MCRS1: variants seen among roughly 807,000 people sequenced by gnomAD.
MCRS1 encodes microspherule protein 1, also known as 58 kDa microspherule protein.
Under a neutral mutation model 62.9 loss-of-function variants are expected in MCRS1, and 22 were observed. The observed-to-expected ratio is 0.35, with a 90% CI of 0.25 to 0.50. The LOEUF (loss-of-function observed/expected upper bound fraction) is 0.50, where lower values mean the gene tolerates loss of function less well. Ranked by LOEUF, MCRS1 falls within the 20% of genes least tolerant of loss-of-function variation. MCRS1 has a pLI of 0.98. For synonymous variants in MCRS1, 244 were observed against 233.5 expected, an observed-to-expected ratio of 1.04 and a Z score of -0.41; for missense variants, 456 against 601.1, an observed-to-expected ratio of 0.76 and a Z score of 2.52.
At chr12:49,562,704 G>C (rs555998639) in intron 8 of MCRS1, among the ~76,000 whole-genome samples, 1 of 152,236 alleles carries the variant, frequency 6.6e-6, no homozygotes, top group South Asian at 2.1e-4. Context: ...ATTTATGTGA[G>C]AATAAAATAT....
At position 49,558,638 on chromosome 12, in the gene MCRS1, A is replaced by T. The variant is rs770425770; in HGVS notation, c.*5T>A. ...GAGAGGGCCCACGAGTCCTGCCACC[A>T]CTCCTCACTGTGGTGTGATCTTGGC... On this transcript the variant is annotated 3_prime_UTR_variant, in exon 15 of 15. Coordinates refer to ENST00000343810, the MANE Select transcript of MCRS1 (RefSeq NM_006337.5). 5 of 1,611,920 alleles carry T rather than the reference A, an allele frequency of 3.1e-6. No homozygotes were observed.
Position 49,559,673 on chromosome 12 carries a change from C to A in MCRS1, c.1003+56G>T. The A allele has an allele frequency of 6.2e-7, 1 of 1,606,366 alleles. No individual in the cohort carries two copies. The highest frequency in any genetic ancestry group is 1.3e-5 in the African/African-American group (1 of 74,884). ...CCCCAGCCAGGCAGCAACAGGGGCA[C>A]AGGCTGGGGCGAAGGATGCTGAAGA... On this transcript the variant is annotated intron_variant, in intron 11 of 14. Transcript: ENST00000343810. The surrounding 1 kb of genome is among the most constrained non-coding windows in gnomAD (Gnocchi z 5.2).
intron 7 of MCRS1, 80 bp downstream of exon 7, chr12:49,563,358 G>T: frequency 2.8e-6 from 4 of 1,423,256 alleles, no homozygotes; most frequent in Non-Finnish European, 3.9e-6. Context: ...TGGGTGGGGA[G>T]CTCTCCACAT....
chr12:49,563,091 G>A lies in MCRS1; in HGVS notation c.715C>T (p.Pro239Ser), dbSNP rs752648138. Reference protein sequence around the residue: ...ETFQDLLHRHPDAFYLARTAK... With the variant: ...ETFQDLLHRHSDAFYLARTAK... ...GTACGGGCCAGGTAGAAGGCATCAGGGTGTCTGTGCAGCAGGTCCTGGAAG... is the reference window on the plus strand; with the variant it reads ...GTACGGGCCAGGTAGAAGGCATCAGAGTGTCTGTGCAGCAGGTCCTGGAAG... The change falls in exon 8 of 15, where the codon CCT (proline) becomes TCT (serine). Residue 239 changes from proline to serine, a missense_variant. Physicochemically the swap from Pro to Ser is moderately conservative, Grantham distance 74. Coordinates refer to ENST00000343810, the MANE Select transcript of MCRS1 (RefSeq NM_006337.5). The A allele has an allele frequency of 6.4e-7, 1 of 1,568,278 alleles. No individual in the cohort carries two copies. The highest frequency in any genetic ancestry group is 2.3e-5 in the East Asian group (1 of 42,596).
chr12:49,563,417 C>T, intron 7 of MCRS1, 21 bp downstream of exon 7: 1 of 1,602,054 alleles, frequency 6.2e-7, no homozygotes, highest in Non-Finnish European at 8.5e-7. Flanking sequence ...GATCCTCCAC[C>T]TTCCCAGCCC....
chr12:49,561,572 T>TA (rs1443317176), intron 8 of MCRS1, among the ~76,000 whole-genome samples: 2 of 152,248 alleles, frequency 1.3e-5, no homozygotes, highest in Admixed American at 1.3e-4. Flanking sequence ...AAGGAATAAA[T>TA]AAAACTTTCA....
chr12:49,559,704 C>G lies in MCRS1; in HGVS notation c.1003+25G>C, dbSNP rs1333439772. 1 of 1,613,046 alleles carries G rather than the reference C, an allele frequency of 6.2e-7. No individual in the cohort carries two copies. The highest frequency in any genetic ancestry group is 8.5e-7 in the Non-Finnish European group (1 of 1,179,250). ...GGGGCGAAGGATGCTGAAGAGTGAGCCTTCTGGTGCCCAGGCCTCCTCACC... is the reference window on the plus strand; with the variant it reads ...GGGGCGAAGGATGCTGAAGAGTGAGGCTTCTGGTGCCCAGGCCTCCTCACC... On this transcript the variant is annotated intron_variant, in intron 11 of 14. Transcript: ENST00000343810. The surrounding 1 kb of genome is among the most constrained non-coding windows in gnomAD (Gnocchi z 5.2).
intron 14 of MCRS1, 42 bp downstream of exon 14, chr12:49,558,801 C>T: frequency 3.7e-6 from 6 of 1,613,458 alleles, no homozygotes; most frequent in Non-Finnish European, 5.1e-6. Context: ...GCTCACCACG[C>T]CTAGGTCTCA....
intron 6 of MCRS1, 129 bp downstream of exon 6, chr12:49,564,352 C>T: frequency 1.4e-6 from 1 of 709,322 alleles, no homozygotes. Context: ...CTCAGTATCA[C>T]CCCCAAGGAG....
In MCRS1 at chr12:49,566,413, G is replaced by A. The variant is rs192819530; in HGVS notation, c.11-198C>T. The A allele has an allele frequency of 2.2e-5, 35 of 1,577,476 alleles. No individual in the cohort carries two copies. In the Admixed American group the frequency reaches 5.9e-4, roughly 27 times the overall value. On this transcript the variant is annotated intron_variant, in intron 2 of 14. Coordinates refer to ENST00000343810, the MANE Select transcript of MCRS1 (RefSeq NM_006337.5). Reference sequence around the variant, plus strand: ...GACCTGGCCCAGACCTTCCACGCTGGGCAGTTCCCCCGGTGCCACGTGTCA... The same window carrying A: ...GACCTGGCCCAGACCTTCCACGCTGAGCAGTTCCCCCGGTGCCACGTGTCA...
intron 5 of MCRS1, 71 bp downstream of exon 5, chr12:49,564,666 T>G (rs1422536213): frequency 3.1e-6 from 5 of 1,605,438 alleles, no homozygotes; most frequent in Non-Finnish European, 4.3e-6. Context: ...AGGGCCCTGT[T>G]GGGCTAATTT....
chr12:49,559,457 C>A lies in MCRS1; in HGVS notation c.1082G>T (p.Arg361Leu). 1 of 1,613,862 alleles carries A rather than the reference C, an allele frequency of 6.2e-7. No homozygotes were observed. The highest frequency in any genetic ancestry group is 8.5e-7 in the Non-Finnish European group (1 of 1,180,022). ...GCGGGGATGGGCCTGCCTCACCTCA[C>A]GCGAGCGCATCAGGTACCGCACCAT... ...GRMVRYLMRS[R>L]EITLGRATKD... Residue 361 changes from arginine to leucine, a missense_variant, in exon 12 of 15, where the codon CGT (arginine) becomes CTT (leucine). Physicochemically the swap from Arg to Leu is moderately radical, Grantham distance 102 (BLOSUM62 -2). Coordinates refer to ENST00000343810, the MANE Select transcript of MCRS1 (RefSeq NM_006337.5). The surrounding 1 kb of genome is among the most constrained non-coding windows in gnomAD (Gnocchi z 5.2).
intron 4 of MCRS1, 139 bp downstream of exon 4, chr12:49,565,390 G>C: frequency 6.7e-7 from 1 of 1,500,954 alleles, no homozygotes; most frequent in Non-Finnish European, 8.9e-7. Context: ...TCCCAGGAGG[G>C]GGGCATCTGA....
intron 2 of MCRS1, 179 bp downstream of exon 2, chr12:49,566,543 A>AT: frequency 6.7e-7 from 1 of 1,487,480 alleles, no homozygotes. Context: ...GCTAAAGAGC[A>AT]GCAGCTCAAC....
At chr12:49,564,063 G>A (rs746725869) in intron 6 of MCRS1, among the ~76,000 whole-genome samples, 1 of 152,192 alleles carries the variant, frequency 6.6e-6, no homozygotes, top group Admixed American at 6.5e-5. Context: ...TGTGGCTACT[G>A]GAGCTAGAAG....
chr12:49,565,251 G>A, intron 4 of MCRS1: 1 of 985,412 alleles, frequency 1.0e-6, no homozygotes, highest in Non-Finnish European at 1.2e-6. Flanking sequence ...CTGCAATGCT[G>A]GGAACAGGCT....
chr12:49,565,955 G>T, intron 3 of MCRS1, 122 bp downstream of exon 3: 1 of 1,379,652 alleles, frequency 7.2e-7, no homozygotes, highest in Non-Finnish European at 9.9e-7. Context: ...ACAAGGCTCT[G>T]CCAATACTAA....
chr12:49,562,879 GA>G, intron 8 of MCRS1, 121 bp downstream of exon 8: 1 of 1,300,548 alleles, frequency 7.7e-7, no homozygotes, highest in East Asian at 2.5e-5. Context: ...AGGTGAACAA[GA>G]CACTGGGGAT....
rs375209577 is a variant in MCRS1, at chr12:49,563,540, G to A, written c.564C>T (p.Ala188=). ...LLYDPVISKL[A]CQAMRQLHPE... ...GGTGCAGCTGCCTCATGGCCTGACA[G>A]GCCAACCTGGACACGGAAAGAGACA... The change falls in exon 7 of 15, where the codon GCC becomes GCT. Residue 188 remains alanine, a synonymous_variant. Coordinates refer to ENST00000343810, the MANE Select transcript of MCRS1 (RefSeq NM_006337.5). 280 of 1,609,126 alleles carry A rather than the reference G, an allele frequency of 1.7e-4. 2 individuals carry two copies. The South Asian group carries it at 2.9e-3, about 17-fold the overall frequency.
Sources: gnomAD v4.1 joint callset for allele counts (sites outside exome capture counted in the v4.1 genomes callset) on GRCh38, gnomAD v4.1.1 for gene constraint, Gnocchi (gnomAD v3.1) non-coding constraint, MANE v1.5 for transcripts, NCBI Gene and HGNC (gene_info 2026-07-23, HGNC 2026-07-21) for gene names.